The following PCM1 variants were observed in gnomAD, a reference collection of about 807,000 sequenced individuals.
PCM1 encodes pericentriolar material 1 protein.
In PCM1, 157 loss-of-function variants were observed where a neutral mutation model predicts 241.9. The ratio of observed to expected loss-of-function variants is 0.65; its 90% CI spans 0.57 to 0.74. The LOEUF is 0.74. Ranked by LOEUF, PCM1 falls within the 30% of genes least tolerant of loss-of-function variation. The probability of loss-of-function intolerance (pLI) is 0.00; values close to 1 mark genes in which losing one functional copy is unlikely to be tolerated. For synonymous variants in PCM1, 1,085 were observed against 784.9 expected, an observed-to-expected ratio of 1.38 and a Z score of -6.39; for missense variants, 3,478 against 2,360.1, an observed-to-expected ratio of 1.47 and a Z score of -9.81.
In PCM1 at chr8:17,980,758, A is replaced by G. The variant is rs936034878; in HGVS notation, c.4108+3A>G. ...TAGGTCTACAGAAATATCTTCAGGT[A>G]TGTTCTTTTTTGGTTTGCATTAATA... On this transcript the variant is annotated splice_donor_region_variant and intron_variant, in intron 24 of 38. Coordinates refer to ENST00000325083, the MANE Select transcript of PCM1 (RefSeq NM_006197.4). 1.0e-5 allele frequency: 16 copies of G among 1,599,260 alleles called. No homozygotes were observed. The highest frequency in any genetic ancestry group is 1.3e-5 in the African/African-American group (1 of 74,648).
intron 29 of PCM1, among the ~76,000 whole-genome samples, chr8:18,004,750 T>C (rs949806856): frequency 6.6e-6 from 1 of 152,238 alleles, no homozygotes; most frequent in African/African-American, 2.4e-5. Flanking sequence ...CAAAAATGTA[T>C]TCTCCTCCTT....
chr8:18,014,854 A>G lies in PCM1; in HGVS notation c.5841+14A>G, dbSNP rs777549523. 4.5e-6 allele frequency: 7 copies of G among 1,557,138 alleles called. No homozygotes were observed. The Admixed American group carries it at 1.3e-4, about 29-fold the overall frequency. ...GTGAATGACTATGTATGTATCATTT[A>G]CATTTCCAAATATTTTTACTTTTCA... On this transcript the variant is annotated intron_variant, in intron 36 of 38. Transcript: ENST00000325083.
intron 2 of PCM1, among the ~76,000 whole-genome samples, chr8:17,934,326 G>T (rs796172489): frequency 6.0e-5 from 9 of 151,146 alleles, no homozygotes; most frequent in African/African-American, 2.2e-4. Context: ...CAGTGGTGCA[G>T]TCTCGGCTCA....
At chr8:18,001,825 C>T (rs752365873) in intron 29 of PCM1, among the ~76,000 whole-genome samples, 12 of 151,876 alleles carry the variant, frequency 7.9e-5, no homozygotes, top group Non-Finnish European at 1.6e-4. Flanking sequence ...TTTGAGAAAG[C>T]ACCTGTAGAA....
Position 17,953,195 on chromosome 8 carries a change from A to C in PCM1, c.1288+9A>C. 6.8e-7 allele frequency: 1 copy of C among 1,478,784 alleles called. No individual in the cohort carries two copies. Among genetic ancestry groups the C allele is most frequent in the Non-Finnish European group, 9.3e-7 (1 of 1,079,092 alleles). The allele number at this position is 1,478,784 out of a possible 1,614,324, so 91.6% of individuals were successfully genotyped here. ...TCTTAACAATTCATCATGTGAGTAAATCTGGTTCAGCAGTATTGGGTATAA... is the reference window on the plus strand; with the variant it reads ...TCTTAACAATTCATCATGTGAGTAACTCTGGTTCAGCAGTATTGGGTATAA... On this transcript the variant is annotated intron_variant, in intron 9 of 38. Transcript: ENST00000325083.
At position 17,955,602 on chromosome 8, in the gene PCM1, C is replaced by T. The variant is rs764959109; in HGVS notation, c.1421C>T (p.Ser474Phe). Residue 474 changes from serine to phenylalanine, a missense_variant, in exon 10 of 39, where the codon TCT becomes TTT. Physicochemically the swap from Ser to Phe is radical, Grantham distance 155. Transcript: ENST00000325083. ...SVPYPTASLV[S>F]QNESENEGHL... ...CCTTATCCTACTGCTTCTCTAGTAT[C>T]TCAGAATGAGAGTGAAAACGAAGGC... The T allele has an allele frequency of 7.4e-6, 12 of 1,613,488 alleles. No individual in the cohort carries two copies. The South Asian group carries it at 8.8e-5, about 12-fold the overall frequency.
At chr8:17,966,748 G>C (rs2075027892) in intron 20 of PCM1, among the ~76,000 whole-genome samples, 1 of 152,152 alleles carries the variant, frequency 6.6e-6, no homozygotes, top group Admixed American at 6.5e-5. Flanking sequence ...AAACAAAAAA[G>C]TGATTTTCTT....
At chr8:17,980,820 TAAA>T in intron 24 of PCM1, 65 bp downstream of exon 24, 1 of 1,279,652 alleles carries the variant, frequency 7.8e-7, no homozygotes, top group South Asian at 1.4e-5. Flanking sequence ...AAAGCTATAA[TAAA>T]GCAGGTGTTA....
At chr8:18,018,024 C>T (rs2093388108) in intron 36 of PCM1, among the ~76,000 whole-genome samples, 1 of 152,190 alleles carries the variant, frequency 6.6e-6, no homozygotes, top group African/African-American at 2.4e-5. Flanking sequence ...ATACCTTATC[C>T]ACTTTCAACC....
At chr8:17,999,601 C>T (rs1488060396) in intron 29 of PCM1, among the ~76,000 whole-genome samples, 1 of 152,104 alleles carries the variant, frequency 6.6e-6, no homozygotes, top group African/African-American at 2.4e-5. Context: ...ACTTGCATTG[C>T]TGCAGTCAGT....
Position 17,935,591 on chromosome 8 carries a change from A to G in PCM1, c.-20A>G. ...TCAGTTCTTAACTTGTTTCGCAGAG[A>G]GTTAATTGTTAAATCCAGTATGGCC... On this transcript the variant is annotated splice_region_variant and 5_prime_UTR_variant, in exon 3 of 39. Transcript: ENST00000325083. 9.3e-7 allele frequency: 1 copy of G among 1,070,174 alleles called. No individual in the cohort carries two copies. The highest frequency in any genetic ancestry group is 1.5e-6 in the Non-Finnish European group (1 of 686,070). 66.3% of individuals were successfully genotyped at this position (1,070,174 alleles called of 1,614,324 possible). A position where few individuals can be genotyped will look rare whatever the true frequency, so the allele number is the denominator to read the frequency against.
intron 23 of PCM1, among the ~76,000 whole-genome samples, chr8:17,974,890 C>T (rs575024893): frequency 6.6e-6 from 1 of 151,336 alleles, no homozygotes; most frequent in African/African-American, 2.4e-5. Flanking sequence ...CACACACACA[C>T]ACAAATAAAA....
In PCM1 at chr8:17,952,957, T is replaced by G. The variant is rs773857652; in HGVS notation, c.1072-13T>G. The G allele has an allele frequency of 6.7e-6, 10 of 1,500,918 alleles. No homozygotes were observed. Among genetic ancestry groups the G allele is most frequent in the Non-Finnish European group, 9.0e-6 (10 of 1,116,140 alleles). The allele number at this position is 1,500,918 out of a possible 1,614,324, so 93.0% of individuals were successfully genotyped here. A position where few individuals can be genotyped will look rare whatever the true frequency, so the allele number is the denominator to read the frequency against. On this transcript the variant is annotated splice_polypyrimidine_tract_variant and intron_variant, in intron 8 of 38. Coordinates refer to ENST00000325083, the MANE Select transcript of PCM1 (RefSeq NM_006197.4). ...GTCTTAATTCTTCTTTTTTGTTGTT[T>G]TTTTTTAATAAGCCTCCAGCTGTTC...
At position 17,950,655 on chromosome 8, in the gene PCM1, C is replaced by T; in HGVS notation, c.1002C>T (p.Ile334=). 1 of 1,605,740 alleles carries T rather than the reference C, an allele frequency of 6.2e-7. No individual in the cohort carries two copies. The highest frequency in any genetic ancestry group is 8.5e-7 in the Non-Finnish European group (1 of 1,175,244). Residue 334 remains isoleucine (I), a synonymous_variant, in exon 8 of 39, where the codon ATC becomes ATT. Transcript: ENST00000325083. ...ETAGSLSGVS[I]TSELNEELND... ...CAGGTAGCTTATCTGGCGTCAGTATCACATCTGAACTAAATGAAGAATTGA... is the reference window on the plus strand; with the variant it reads ...CAGGTAGCTTATCTGGCGTCAGTATTACATCTGAACTAAATGAAGAATTGA...
intron 24 of PCM1, among the ~76,000 whole-genome samples, chr8:17,984,515 T>G (rs1202378317): frequency 6.6e-6 from 1 of 151,696 alleles, no homozygotes; most frequent in Non-Finnish European, 1.5e-5. Context: ...TCTATTGATA[T>G]CTTATATTAG....
In PCM1 at chr8:17,957,548, T is replaced by C. The variant is rs1389863620; in HGVS notation, c.1813T>C (p.Tyr605His). Residue 605 changes from tyrosine (Y) to histidine (H), a missense_variant, in exon 13 of 39, where the codon TAT becomes CAT. By Grantham distance (83) the Tyr-to-His change is moderately conservative. Transcript: ENST00000325083. ...LNMPPSLDCR[Y>H]NREGEQEIHV... Reference sequence around the variant, plus strand: ...ATACATGTTTTCAGCAGATTGTCGATATAATAGAGAAGGGGAACAGGAGAT... The same window carrying C: ...ATACATGTTTTCAGCAGATTGTCGACATAATAGAGAAGGGGAACAGGAGAT... 3.2e-6 allele frequency: 5 copies of C among 1,583,882 alleles called. No individual in the cohort carries two copies. The highest frequency in any genetic ancestry group is 1.1e-5 in the South Asian group (1 of 88,698).
intron 1 of PCM1, among the ~76,000 whole-genome samples, chr8:17,923,712 C>A (rs1381570234): frequency 6.6e-6 from 1 of 152,050 alleles, no homozygotes; most frequent in African/African-American, 2.4e-5. Context: ...CTGTGAGCTG[C>A]AGGATTTCCG....
chr8:17,950,907 G>A (rs913841743), intron 8 of PCM1, among the ~76,000 whole-genome samples, 183 bp downstream of exon 8: 4 of 152,234 alleles, frequency 2.6e-5, no homozygotes, highest in Admixed American at 1.3e-4. Flanking sequence ...GCTTCTCCAC[G>A]TCTCAGTCCA....
intron 26 of PCM1, among the ~76,000 whole-genome samples, chr8:17,987,348 G>A (rs1349183493): frequency 6.6e-6 from 1 of 151,720 alleles, no homozygotes; most frequent in Non-Finnish European, 1.5e-5. Context: ...ATTCCTAGAC[G>A]TATTTTTCAA....
Sources: allele counts gnomAD v4.1 joint callset (sites outside exome capture counted in the v4.1 genomes callset), GRCh38; gene constraint gnomAD v4.1.1; transcripts MANE v1.5; gene names NCBI Gene and HGNC (gene_info 2026-07-23, HGNC 2026-07-21).